Variants in CSMD3 observed in about 807,000 individuals in gnomAD.
CSMD3 encodes CUB and sushi domain-containing protein 3.
CSMD3 carries 177 observed loss-of-function variants against 435.2 expected under a neutral mutation model. That is an observed-to-expected ratio of 0.41 (90% CI 0.36 to 0.46). The LOEUF is 0.46. Among genes scored for constraint, CSMD3 ranks in the 20% least tolerant of loss-of-function variants. The pLI is 0.34. For missense variants in CSMD3, 4,265 were observed against 4,504.6 expected (o/e 0.95, Z 1.52); for synonymous variants, 1,656 against 1,520.5 (o/e 1.09, Z -2.07).
chr8:113,163,226 A>G (rs2092079120), intron 4 of CSMD3, among the ~76,000 whole-genome samples: 2 of 152,152 alleles, frequency 1.3e-5, no homozygotes, highest in African/African-American at 4.8e-5. Context: ...TAGAATGCCC[A>G]ATAATTTTTT....
chr8:112,245,886 T>C (rs1448161976), intron 64 of CSMD3, among the ~76,000 whole-genome samples: 1 of 152,190 alleles, frequency 6.6e-6, no homozygotes, highest in Non-Finnish European at 1.5e-5. Context: ...GTAATCCTCA[T>C]GCAGTAAGTA....
chr8:112,251,519 G>T (rs1815261996), intron 63 of CSMD3, among the ~76,000 whole-genome samples: 2 of 151,364 alleles, frequency 1.3e-5, no homozygotes, highest in Non-Finnish European at 3.0e-5. Flanking sequence ...TTTACTTTCA[G>T]AATTCATGCC....
chr8:113,331,279 A>G (rs2094025646), intron 1 of CSMD3, among the ~76,000 whole-genome samples: 1 of 151,630 alleles, frequency 6.6e-6, no homozygotes, highest in African/African-American at 2.4e-5. Flanking sequence ...ACAATAAGAG[A>G]TTGAATGTGT....
At chr8:112,598,870 A>C (rs1432715586) in intron 22 of CSMD3, among the ~76,000 whole-genome samples, 1 of 152,234 alleles carries the variant, frequency 6.6e-6, no homozygotes, top group Non-Finnish European at 1.5e-5. Context: ...AAATCAATTC[A>C]AGATGGATTA....
intron 10 of CSMD3, among the ~76,000 whole-genome samples, chr8:112,863,137 T>C (rs1421648576): frequency 6.6e-6 from 1 of 152,036 alleles, no homozygotes; most frequent in Non-Finnish European, 1.5e-5. Context: ...AATACTTTCT[T>C]ACAGACTTTT....
At chr8:112,699,168 T>C (rs1294473809) in intron 13 of CSMD3, among the ~76,000 whole-genome samples, 1 of 152,070 alleles carries the variant, frequency 6.6e-6, no homozygotes, top group African/African-American at 2.4e-5. Flanking sequence ...CCCTTGATAA[T>C]AAATCTTGCT....
chr8:112,536,109 T>C (rs1315083040), intron 27 of CSMD3, among the ~76,000 whole-genome samples: 1 of 152,168 alleles, frequency 6.6e-6, no homozygotes, highest in Non-Finnish European at 1.5e-5. Context: ...GACATAGGCA[T>C]GGGCAAGGAC....
At chr8:112,415,261 C>T (rs555238304) in intron 32 of CSMD3, among the ~76,000 whole-genome samples, 18 of 152,328 alleles carry the variant, frequency 1.2e-4, no homozygotes, top group Middle Eastern at 3.4e-3. Flanking sequence ...CCAGCTGCTT[C>T]GGCTCTAGCT....
intron 9 of CSMD3, among the ~76,000 whole-genome samples, chr8:112,927,401 G>A (rs1303966826): frequency 6.6e-6 from 1 of 152,080 alleles, no homozygotes; most frequent in Admixed American, 6.6e-5. Flanking sequence ...GCTCCTTATA[G>A]AGGGGTCATT....
Position 112,650,348 on chromosome 8 carries a change from A to G in CSMD3, c.3006T>C (p.Ser1002=). Residue 1002 remains serine (S), a splice_region_variant and synonymous_variant, in exon 19 of 71, where the codon AGT becomes AGC. Transcript: ENST00000297405. ...AACAAGAATACGTGTTCACTGTAAC[A>G]CCTGGAAAACAAAGGGAAGAAAATA... ...SNNGFKIHYE[S]VTVNTYSCLD... 1 of 1,612,262 alleles carries G rather than the reference A, an allele frequency of 6.2e-7. No individual in the cohort carries two copies. Among genetic ancestry groups the G allele is most frequent in the East Asian group, 2.2e-5 (1 of 44,862 alleles).
intron 3 of CSMD3, among the ~76,000 whole-genome samples, chr8:113,265,093 C>T (rs2093458674): frequency 6.6e-6 from 1 of 151,512 alleles, no homozygotes; most frequent in South Asian, 2.1e-4. Flanking sequence ...CTAAACGTGT[C>T]ATATCTGTCA....
At chr8:112,463,110 C>T (rs1197251890) in intron 32 of CSMD3, among the ~76,000 whole-genome samples, 4 of 152,194 alleles carry the variant, frequency 2.6e-5, no homozygotes, top group Non-Finnish European at 4.4e-5. Context: ...GTAATCCCAG[C>T]ATTTTGGGAG....
At chr8:112,283,434 G>A (rs1055944387) in intron 58 of CSMD3, among the ~76,000 whole-genome samples, 1 of 151,538 alleles carries the variant, frequency 6.6e-6, no homozygotes, top group African/African-American at 2.4e-5. Flanking sequence ...AGTAAAGATT[G>A]CTTAAAATTC....
intron 10 of CSMD3, among the ~76,000 whole-genome samples, chr8:112,911,503 A>C (rs2082410662): frequency 6.6e-6 from 1 of 151,666 alleles, no homozygotes; most frequent in Non-Finnish European, 1.5e-5. Flanking sequence ...GTGAGATCAT[A>C]CAATGTTTGT....
rs139357853 is a variant in CSMD3, at chr8:112,644,921, C to T, written c.3310+188G>A. 8.0e-4 allele frequency among the ~76,000 whole-genome samples: 122 copies of T among 151,990 alleles called. 2 individuals carry two copies. The East Asian group carries it at 0.022, about 28-fold the overall frequency. On this transcript the variant is annotated intron_variant, in intron 20 of 70. Coordinates refer to ENST00000297405, the MANE Select transcript of CSMD3 (RefSeq NM_198123.2). ...CAACAGCCTGGTAAAAACATGAGCA[C>T]AATATAATACTATAGAAGAGTAAAT...
At chr8:112,372,528 A>G (rs1015862979) in intron 38 of CSMD3, among the ~76,000 whole-genome samples, 4 of 152,162 alleles carry the variant, frequency 2.6e-5, no homozygotes, top group African/African-American at 7.2e-5. Context: ...CTCAGGTTCA[A>G]CAAAGAAAAG....
chr8:113,065,086 CTG>C (rs2088795350), intron 5 of CSMD3, among the ~76,000 whole-genome samples: 3 of 152,056 alleles, frequency 2.0e-5, no homozygotes, highest in Admixed American at 2.0e-4. Context: ...TGTTGGTAAT[CTG>C]GAGTTATAAA....
At chr8:113,433,019 T>C (rs981378958) in intron 1 of CSMD3, among the ~76,000 whole-genome samples, 1 of 152,110 alleles carries the variant, frequency 6.6e-6, no homozygotes, top group Non-Finnish European at 1.5e-5. Context: ...GGGAGGCTGA[T>C]CTTCTTGAAG....
chr8:112,920,251 G>A (rs1254140802), intron 10 of CSMD3, among the ~76,000 whole-genome samples: 1 of 151,820 alleles, frequency 6.6e-6, no homozygotes, highest in Admixed American at 6.6e-5. Context: ...ATGATTAACA[G>A]TTAAATTGAC....
Sources: gnomAD v4.1 joint callset for allele counts (sites outside exome capture counted in the v4.1 genomes callset) on GRCh38, gnomAD v4.1.1 for gene constraint, MANE v1.5 for transcripts, NCBI Gene and HGNC (gene_info 2026-07-23, HGNC 2026-07-21) for gene names.